Variants in EIF4G3 observed in about 807,000 individuals in gnomAD.
EIF4G3 encodes the protein eukaryotic translation initiation factor 4 gamma 3.
Under a neutral mutation model 186.4 loss-of-function variants are expected in EIF4G3, and 34 were observed. The observed-to-expected ratio is 0.18, with a 90% CI of 0.14 to 0.24. EIF4G3 has a LOEUF of 0.24. Among genes scored for constraint, EIF4G3 ranks in the 10% least tolerant of loss-of-function variants. The probability of loss-of-function intolerance (pLI) is 1.00; values close to 1 mark genes in which losing one functional copy is unlikely to be tolerated. For synonymous variants in EIF4G3, 673 were observed against 679.5 expected, an observed-to-expected ratio of 0.99 and a Z score of 0.15; for missense variants, 1,536 against 1,948.5, an observed-to-expected ratio of 0.79 and a Z score of 3.99.
At chr1:21,028,943 G>A (rs1328872802) in intron 4 of EIF4G3, among the ~76,000 whole-genome samples, 2 of 152,176 alleles carry the variant, frequency 1.3e-5, no homozygotes, top group African/African-American at 4.8e-5. Flanking sequence ...GGGAGTTCAT[G>A]ATCACAGCTC....
chr1:21,114,934 A>C (rs1000449953), intron 2 of EIF4G3, among the ~76,000 whole-genome samples: 4 of 152,206 alleles, frequency 2.6e-5, no homozygotes, highest in Non-Finnish European at 4.4e-5. Context: ...AGGCTGAGGC[A>C]AAAGGAACAC....
chr1:20,905,612 G>C (rs1361621692), intron 14 of EIF4G3, among the ~76,000 whole-genome samples: 2 of 152,108 alleles, frequency 1.3e-5, no homozygotes, highest in Non-Finnish European at 2.9e-5. Flanking sequence ...CATTGTTTCA[G>C]ATTTCTAGAT....
intron 13 of EIF4G3, among the ~76,000 whole-genome samples, chr1:20,946,033 TGACCAAGACTG>T (rs1229196553): frequency 6.6e-6 from 1 of 152,204 alleles, no homozygotes; most frequent in African/African-American, 2.4e-5. Context: ...GTGGAATCAA[TGACCAAGACTG>T]GGTTGTCTTT....
intron 7 of EIF4G3, 181 bp from the exon 8 acceptor site, chr1:20,982,589 T>C (rs998262476): frequency 1.9e-6 from 1 of 539,438 alleles, no homozygotes. Context: ...CTTGAGAATT[T>C]AACCACACAT....
chr1:20,895,579 A>C, intron 16 of EIF4G3, 78 bp from the exon 17 acceptor site: 2 of 1,463,522 alleles, frequency 1.4e-6, no homozygotes, highest in Non-Finnish European at 1.9e-6. Context: ...TGTTTCGATC[A>C]ATAACAAACT....
intron 30 of EIF4G3, among the ~76,000 whole-genome samples, chr1:20,838,303 G>C (rs1266991028): frequency 6.6e-6 from 1 of 152,158 alleles, no homozygotes; most frequent in Non-Finnish European, 1.5e-5. Context: ...AGTATAGTTT[G>C]AAGAGACAGA....
At chr1:21,016,752 G>C (rs6426656) in intron 4 of EIF4G3, among the ~76,000 whole-genome samples, 56,127 of 151,742 alleles carry the variant, frequency 0.37, 11,020 homozygotes, top group Non-Finnish European at 0.43. Context: ...TTCAAGACCT[G>C]AGGTCAGGAG....
intron 4 of EIF4G3, among the ~76,000 whole-genome samples, chr1:21,009,870 G>A (rs112240649): frequency 1.3e-5 from 2 of 151,664 alleles, no homozygotes; most frequent in African/African-American, 4.8e-5. Flanking sequence ...GGCAAGGCTG[G>A]TCTCAAACTC....
chr1:21,008,260 C>T (rs1317377250), intron 4 of EIF4G3, among the ~76,000 whole-genome samples: 1 of 152,116 alleles, frequency 6.6e-6, no homozygotes, highest in Non-Finnish European at 1.5e-5. Flanking sequence ...AGAAATCTAG[C>T]ACAAAGAAAA....
At chr1:20,896,740 C>T (rs2088292177) in intron 16 of EIF4G3, among the ~76,000 whole-genome samples, 1 of 152,190 alleles carries the variant, frequency 6.6e-6, no homozygotes, top group Non-Finnish European at 1.5e-5. Context: ...AGTCTCCATT[C>T]ATGGTAAGTG....
chr1:20,854,640 G>A (rs1445684717), intron 26 of EIF4G3, among the ~76,000 whole-genome samples: 1 of 151,656 alleles, frequency 6.6e-6, no homozygotes. Flanking sequence ...AGGTGGTTGA[G>A]GCTGTGGTGA....
chr1:20,909,194 T>G (rs977036941), intron 14 of EIF4G3, among the ~76,000 whole-genome samples: 4 of 152,034 alleles, frequency 2.6e-5, no homozygotes, highest in African/African-American at 7.2e-5. Context: ...TATGTAAAAT[T>G]GTTGTACGTC....
chr1:21,132,167 A>G (rs929777401), intron 2 of EIF4G3, among the ~76,000 whole-genome samples: 1 of 152,130 alleles, frequency 6.6e-6, no homozygotes, highest in African/African-American at 2.4e-5. Flanking sequence ...AGCCAAAGTG[A>G]TATTTGTCCT....
At chr1:21,091,037 G>A (rs957546324) in intron 2 of EIF4G3, among the ~76,000 whole-genome samples, 1 of 152,106 alleles carries the variant, frequency 6.6e-6, no homozygotes, top group Admixed American at 6.5e-5. Flanking sequence ...TAAAGTAATG[G>A]CAGAATTTCT....
In EIF4G3 at chr1:20,865,163, C is replaced by T. The variant is rs1393920809; in HGVS notation, c.2722G>A (p.Asp908Asn). The T allele has an allele frequency of 6.2e-7, 1 of 1,614,128 alleles. No individual in the cohort carries two copies. Among genetic ancestry groups the T allele is most frequent in the East Asian group, 2.2e-5 (1 of 44,880 alleles). The change falls in exon 21 of 37, where the codon GAT becomes AAT. Residue 908 changes from aspartate to asparagine, a missense_variant. This residue lies in a region of EIF4G3 where 77 missense variants were observed against 131.6 expected (regional missense o/e 0.59). Transcript: ENST00000602326. ...QKEFEKDKADDDVFEKKQKEL... is the reference protein window; with the variant it reads ...QKEFEKDKADNDVFEKKQKEL... Reference sequence around the variant, plus strand: ...TTCTGCTTCTTCTCAAAGACATCATCATCTGCTTTATCTTTTTCAAACTCC... The same window carrying T: ...TTCTGCTTCTTCTCAAAGACATCATTATCTGCTTTATCTTTTTCAAACTCC...
intron 16 of EIF4G3, among the ~76,000 whole-genome samples, chr1:20,897,319 A>T (rs2088580581): frequency 6.6e-6 from 1 of 152,096 alleles, no homozygotes; most frequent in Non-Finnish European, 1.5e-5. Context: ...ATAACTAAAT[A>T]ACTTAAATAA....
chr1:21,132,721 T>A (rs187426588), intron 2 of EIF4G3, among the ~76,000 whole-genome samples: 1 of 152,162 alleles, frequency 6.6e-6, no homozygotes, highest in Non-Finnish European at 1.5e-5. Context: ...AGCACAGGCA[T>A]GAGCTACCAT....
intron 4 of EIF4G3, among the ~76,000 whole-genome samples, chr1:21,026,577 C>T (rs1008246801): frequency 6.6e-6 from 1 of 150,564 alleles, no homozygotes; most frequent in African/African-American, 2.4e-5. Context: ...TTTTGTGCAT[C>T]GAAAGATATT....
chr1:20,905,168 G>A (rs534155143), intron 14 of EIF4G3, among the ~76,000 whole-genome samples, 197 bp from the exon 15 acceptor site: 2 of 152,320 alleles, frequency 1.3e-5, no homozygotes, highest in Admixed American at 6.5e-5. Context: ...GTACAAACTC[G>A]TAGCTTTCTA....
Sources: allele counts gnomAD v4.1 joint callset (sites outside exome capture counted in the v4.1 genomes callset), GRCh38; gene constraint gnomAD v4.1.1; regional missense constraint gnomAD v4.1.1; transcripts MANE v1.5; gene names NCBI Gene and HGNC (gene_info 2026-07-23, HGNC 2026-07-21).